The following GMDS variants were observed in gnomAD, a reference collection of about 807,000 sequenced individuals.
GMDS encodes GDP-mannose 4,6-dehydratase, also known as GDP-mannose 4,6 dehydratase.
GMDS carries 20 observed loss-of-function variants against 49.9 expected under a neutral mutation model. The ratio of observed to expected loss-of-function variants is 0.40; its 90% confidence interval spans 0.28 to 0.58. The LOEUF (loss-of-function observed/expected upper bound fraction) is 0.58. Among genes scored for constraint, GMDS ranks in the 20% least tolerant of loss-of-function variants. The probability of loss-of-function intolerance (pLI) is 0.42; values close to 1 mark genes in which losing one functional copy is unlikely to be tolerated. For synonymous variants in GMDS, 177 were observed against 178.6 expected (o/e 0.99, Z 0.07); for missense variants, 362 against 481.4 (o/e 0.75, Z 2.32).
intron 7 of GMDS, among the ~76,000 whole-genome samples, chr6:1,927,811 T>C (rs1303095053): frequency 6.6e-6 from 1 of 152,176 alleles, no homozygotes; most frequent in East Asian, 1.9e-4. Flanking sequence ...TTTTGGCCTG[T>C]TTCTGAAATG....
intron 9 of GMDS, among the ~76,000 whole-genome samples, chr6:1,643,284 T>C (rs1346182375): frequency 4.6e-5 from 7 of 152,206 alleles, no homozygotes; most frequent in Non-Finnish European, 7.4e-5. Context: ...TTGGTGTCCC[T>C]GAGACCCAGC....
chr6:2,057,370 C>T (rs1770840011), intron 4 of GMDS, among the ~76,000 whole-genome samples: 1 of 152,194 alleles, frequency 6.6e-6, no homozygotes, highest in African/African-American at 2.4e-5. Context: ...TCCTCTAATT[C>T]ATACTTGACA....
intron 9 of GMDS, among the ~76,000 whole-genome samples, chr6:1,672,964 C>A (rs572137784): frequency 1.3e-5 from 2 of 151,888 alleles, no homozygotes; most frequent in South Asian, 4.2e-4. Flanking sequence ...CCACTCCCAG[C>A]CGGGCATTTC....
intron 7 of GMDS, among the ~76,000 whole-genome samples, chr6:1,764,861 TTA>T (rs1307861150): frequency 6.6e-6 from 1 of 152,222 alleles, no homozygotes; most frequent in East Asian, 1.9e-4. Context: ...TCCTGGCAAT[TTA>T]TATGTTTGTC....
chr6:2,024,863 C>G (rs1232067998), intron 4 of GMDS, among the ~76,000 whole-genome samples: 1 of 150,262 alleles, frequency 6.7e-6, no homozygotes, highest in Non-Finnish European at 1.5e-5. Context: ...ACACTGAAAG[C>G]AAAAAGGACA....
chr6:1,652,822 C>A (rs1397304615), intron 9 of GMDS, among the ~76,000 whole-genome samples: 3 of 133,410 alleles, frequency 2.2e-5, no homozygotes, highest in African/African-American at 8.7e-5. Context: ...TGAGGTCTCC[C>A]TCCTGTCCGG....
intron 6 of GMDS, among the ~76,000 whole-genome samples, chr6:1,950,225 G>C (rs1763273748): frequency 6.6e-6 from 1 of 152,124 alleles, no homozygotes; most frequent in African/African-American, 2.4e-5. Flanking sequence ...TAGTTTTAAA[G>C]GAAAATTCTC....
intron 1 of GMDS, among the ~76,000 whole-genome samples, chr6:2,156,402 A>AGCCT (rs139200197): frequency 3.2e-3 from 488 of 152,304 alleles, no homozygotes; most frequent in South Asian, 6.0e-3. Flanking sequence ...ATCAAAGGCA[A>AGCCT]GCCTGCCTGC....
intron 6 of GMDS, among the ~76,000 whole-genome samples, chr6:1,947,683 TG>T (rs1427673878): frequency 6.6e-6 from 1 of 152,190 alleles, no homozygotes; most frequent in Non-Finnish European, 1.5e-5. Context: ...TGGCTTAATC[TG>T]GGAATTTTTT....
rs147253699 is a variant in GMDS, at chr6:2,127,827, C to T, written c.103-3096G>A. ...TGGTGGTTTCCGCCTCCTCTTGAAG[C>T]ACAGAGCTGATAAAGAATGCTCCAA... On this transcript the variant is annotated intron_variant, in intron 1 of 10. Transcript: ENST00000380815. 3.5e-3 allele frequency among the ~76,000 whole-genome samples: 539 copies of T among 152,324 alleles called. 12 individuals carry two copies. Among genetic ancestry groups the T allele is most frequent in the Admixed American group, 0.03 (460 of 15,306 alleles).
chr6:1,779,350 T>C (rs1194363529), intron 7 of GMDS, among the ~76,000 whole-genome samples: 3 of 152,186 alleles, frequency 2.0e-5, no homozygotes, highest in Non-Finnish European at 4.4e-5. Flanking sequence ...TCCTGTGGCA[T>C]CCTGATGCAT....
intron 4 of GMDS, among the ~76,000 whole-genome samples, chr6:2,095,874 A>C (rs1352566899): frequency 6.6e-6 from 1 of 152,172 alleles, no homozygotes; most frequent in Non-Finnish European, 1.5e-5. Flanking sequence ...CCAAAAGAAG[A>C]ATTCTCAAGT....
chr6:1,969,028 G>A (rs947534502), intron 4 of GMDS, among the ~76,000 whole-genome samples: 5 of 151,760 alleles, frequency 3.3e-5, no homozygotes, highest in South Asian at 2.1e-4. Flanking sequence ...TTGGGAGGCC[G>A]AGGCGGGCGG....
intron 1 of GMDS, among the ~76,000 whole-genome samples, chr6:2,244,082 C>T (rs974310693): frequency 6.6e-6 from 1 of 151,862 alleles, no homozygotes; most frequent in Admixed American, 6.6e-5. Flanking sequence ...CCAGGCTGGT[C>T]TCAAACTCCT....
chr6:1,733,889 GCTGAGCGGCAGC>G (rs1766916202), intron 8 of GMDS, among the ~76,000 whole-genome samples: 1 of 151,402 alleles, frequency 6.6e-6, no homozygotes, highest in Non-Finnish European at 1.5e-5. Context: ...GAGTGGGGAG[GCTGAGCGGCAGC>G]CTGAGCCTCT....
At chr6:1,689,775 T>C (rs995329082) in intron 9 of GMDS, among the ~76,000 whole-genome samples, 2 of 152,220 alleles carry the variant, frequency 1.3e-5, no homozygotes, top group African/African-American at 4.8e-5. Context: ...GATCACCTCA[T>C]AAACGTCTTC....
chr6:2,101,061 TA>T (rs148836698), intron 4 of GMDS, among the ~76,000 whole-genome samples: 2,979 of 151,780 alleles, frequency 0.02, 106 homozygotes, highest in African/African-American at 0.067. Flanking sequence ...ATTTTTTTTT[TA>T]AAAAGTGAGC....
Position 2,105,293 on chromosome 6 carries a change from A to G in GMDS, c.345+10478T>C, listed in dbSNP as rs7768109. ...GATGAAAAAATTATTTACACACATT[A>G]TGTAAACAACCAATAACTCAAATAT... On this transcript the variant is annotated intron_variant, in intron 4 of 10. Transcript: ENST00000380815. 7.8e-4 allele frequency among the ~76,000 whole-genome samples: 119 copies of G among 152,252 alleles called. 1 individual carries two copies. The highest frequency in any genetic ancestry group is 2.7e-3 in the African/African-American group (114 of 41,566).
chr6:2,085,364 T>C (rs904257115), intron 4 of GMDS, among the ~76,000 whole-genome samples: 3 of 152,090 alleles, frequency 2.0e-5, no homozygotes, highest in Non-Finnish European at 4.4e-5. Context: ...AATAAAAAAA[T>C]CGGGTTTCTT....
Sources: allele counts gnomAD v4.1 joint callset (sites outside exome capture counted in the v4.1 genomes callset), GRCh38; gene constraint gnomAD v4.1.1; transcripts MANE v1.5; gene names NCBI Gene and HGNC (gene_info 2026-07-23, HGNC 2026-07-21).